The following SPOCK3 variants were observed in gnomAD, a reference collection of about 807,000 sequenced individuals.
SPOCK3 encodes the protein SPARC (osteonectin), cwcv and kazal like domains proteoglycan 3.
Under a neutral mutation model 56.6 loss-of-function variants are expected in SPOCK3, and 30 were observed. The observed-to-expected ratio is 0.53, with a 90% CI of 0.40 to 0.72. The LOEUF is 0.72. SPOCK3 is among the 30% of genes least tolerant of loss of function. SPOCK3 has a pLI of 0.00. For missense variants in SPOCK3, 527 were observed against 530.0 expected (o/e 0.99, Z 0.06); for synonymous variants, 196 against 183.3 (o/e 1.07, Z -0.56).
intron 3 of SPOCK3, among the ~76,000 whole-genome samples, chr4:167,059,545 C>G (rs574074153): frequency 0.022 from 3,284 of 151,308 alleles, 44 homozygotes; most frequent in Middle Eastern, 0.061. Context: ...CACTTTTACA[C>G]TGTTGTTGGG....
At chr4:167,044,419 T>C (rs967153087) in intron 3 of SPOCK3, among the ~76,000 whole-genome samples, 3 of 122,542 alleles carry the variant, frequency 2.4e-5, no homozygotes, top group Admixed American at 9.3e-5. Flanking sequence ...TTTCCTTTTT[T>C]CAATTTAATT....
At chr4:167,216,701 A>G (rs1392024847) in intron 2 of SPOCK3, among the ~76,000 whole-genome samples, 3 of 152,062 alleles carry the variant, frequency 2.0e-5, no homozygotes, top group African/African-American at 7.2e-5. Flanking sequence ...TGCACAGCTC[A>G]CTTTTACCTA....
At chr4:166,845,110 C>T in intron 6 of SPOCK3, among the ~76,000 whole-genome samples, 1 of 152,286 alleles carries the variant, frequency 6.6e-6, no homozygotes, top group South Asian at 2.1e-4. Flanking sequence ...ATAAAATTTT[C>T]TACTGTAACC....
chr4:166,988,444 A>G (rs1426710508), intron 4 of SPOCK3, among the ~76,000 whole-genome samples: 1 of 152,122 alleles, frequency 6.6e-6, no homozygotes, highest in Non-Finnish European at 1.5e-5. Flanking sequence ...ATTTTATAAA[A>G]AGAGATATAA....
At chr4:166,961,709 C>T (rs28370988) in intron 4 of SPOCK3, among the ~76,000 whole-genome samples, 1,832 of 152,056 alleles carry the variant, frequency 0.012, 41 homozygotes, top group African/African-American at 0.042. Flanking sequence ...AGATAGTTTC[C>T]GGGACATTTT....
chr4:167,204,539 C>T (rs1057446916), intron 2 of SPOCK3, among the ~76,000 whole-genome samples: 1 of 151,918 alleles, frequency 6.6e-6, no homozygotes, highest in African/African-American at 2.4e-5. Context: ...ATGAGAACAC[C>T]GTGGGGGGAC....
intron 6 of SPOCK3, among the ~76,000 whole-genome samples, chr4:166,820,749 G>A (rs1219163469): frequency 6.6e-6 from 1 of 152,052 alleles, no homozygotes; most frequent in South Asian, 2.1e-4. Context: ...GCTGGAGCCT[G>A]TGAGGTGGAG....
chr4:167,030,577 T>C (rs17052788), intron 3 of SPOCK3, among the ~76,000 whole-genome samples: 30,104 of 147,398 alleles, frequency 0.2, 3,565 homozygotes, highest in African/African-American at 0.37. Flanking sequence ...TATGATATAT[T>C]AGCCTGTTTA....
intron 4 of SPOCK3, among the ~76,000 whole-genome samples, chr4:166,961,263 T>A (rs547480618): frequency 1.3e-4 from 18 of 142,284 alleles, no homozygotes; most frequent in African/African-American, 4.6e-4. Context: ...AAAAAAAAAC[T>A]GCAAAATTTT....
intron 2 of SPOCK3, among the ~76,000 whole-genome samples, chr4:167,145,165 T>C (rs1336647147): frequency 1.3e-5 from 2 of 152,010 alleles, no homozygotes; most frequent in African/African-American, 4.8e-5. Context: ...ATATGCACCA[T>C]TAAAGAGTGA....
intron 3 of SPOCK3, among the ~76,000 whole-genome samples, chr4:167,005,576 G>T (rs1265182415): frequency 1.5e-5 from 2 of 131,836 alleles, no homozygotes; most frequent in Non-Finnish European, 3.4e-5. Flanking sequence ...TGAGAACAGG[G>T]ATGCAGAAAC....
At position 166,868,533 on chromosome 4, in the gene SPOCK3, T is replaced by C. The variant is rs80268038; in HGVS notation, c.589+20597A>G. On this transcript the variant is annotated intron_variant, in intron 6 of 10. Transcript: ENST00000357545. ...TGTCACCTGAACTAATTTGGAAGTATGAAGTTGAATTTTCTTAAAACCTAT... is the reference window on the plus strand; with the variant it reads ...TGTCACCTGAACTAATTTGGAAGTACGAAGTTGAATTTTCTTAAAACCTAT... Among the ~76,000 whole-genome samples the C allele has an allele frequency of 2.1e-3, 318 of 152,218 alleles. 5 individuals carry two copies. Among genetic ancestry groups the C allele is most frequent in the East Asian group, 0.017 (86 of 5,164 alleles).
chr4:166,821,395 C>A (rs1028275201), intron 6 of SPOCK3, among the ~76,000 whole-genome samples: 2 of 151,882 alleles, frequency 1.3e-5, no homozygotes, highest in African/African-American at 4.8e-5. Flanking sequence ...GGTAGTACCT[C>A]AAAAATTTAA....
At position 167,036,729 on chromosome 4, in the gene SPOCK3, A is replaced by G. The variant is rs183022173; in HGVS notation, c.235+25763T>C. On this transcript the variant is annotated intron_variant, in intron 3 of 10. Transcript: ENST00000357545. Reference sequence around the variant, plus strand: ...TGGCTAAGCAAAGTTATAGCATCACATATTGTTTATATTATTCTATATTCT... The same window carrying G: ...TGGCTAAGCAAAGTTATAGCATCACGTATTGTTTATATTATTCTATATTCT... Among the ~76,000 whole-genome samples, 3 of 152,272 alleles carry G rather than the reference A, an allele frequency of 2.0e-5. No individual in the cohort carries two copies. The East Asian group carries it at 5.8e-4, about 29-fold the overall frequency.
intron 2 of SPOCK3, among the ~76,000 whole-genome samples, chr4:167,229,937 C>T (rs923842727): frequency 2.6e-5 from 4 of 151,844 alleles, no homozygotes; most frequent in African/African-American, 7.2e-5. Context: ...CAGAATGAGC[C>T]CCAGGTATTT....
At chr4:167,055,566 G>C (rs1754720840) in intron 3 of SPOCK3, among the ~76,000 whole-genome samples, 1 of 152,210 alleles carries the variant, frequency 6.6e-6, no homozygotes, top group South Asian at 2.1e-4. Context: ...AGGGGTGACA[G>C]ACAGCACCTG....
intron 2 of SPOCK3, among the ~76,000 whole-genome samples, chr4:167,123,055 GA>G (rs1033062426): frequency 6.6e-6 from 1 of 151,514 alleles, no homozygotes; most frequent in Non-Finnish European, 1.5e-5. Context: ...TGTGAAAGGG[GA>G]AAAAAAGGTA....
intron 2 of SPOCK3, among the ~76,000 whole-genome samples, chr4:167,105,134 A>T (rs1759991154): frequency 6.6e-6 from 1 of 152,020 alleles, no homozygotes; most frequent in Admixed American, 6.6e-5. Flanking sequence ...AAGGAAAAAA[A>T]AATCACAGAA....
chr4:166,891,692 T>C (rs569089984), intron 5 of SPOCK3, among the ~76,000 whole-genome samples: 20 of 152,166 alleles, frequency 1.3e-4, no homozygotes, highest in African/African-American at 4.6e-4. Context: ...AATGTTTTAA[T>C]GAAAGCCAAA....
Sources: gnomAD v4.1 joint callset for allele counts (sites outside exome capture counted in the v4.1 genomes callset) on GRCh38, gnomAD v4.1.1 for gene constraint, MANE v1.5 for transcripts, NCBI Gene and HGNC (gene_info 2026-07-23, HGNC 2026-07-21) for gene names.